ASAP3: variants seen among roughly 807,000 people sequenced by gnomAD.
The protein encoded by ASAP3 is ArfGAP with SH3 domain, ankyrin repeat and PH domain 3.
In ASAP3, 85 loss-of-function variants were observed where a neutral mutation model predicts 118.2. The observed-to-expected ratio is 0.72, with a 90% confidence interval of 0.60 to 0.86. The LOEUF (loss-of-function observed/expected upper bound fraction) is 0.86. Ranked by LOEUF, ASAP3 falls within the 40% of genes least tolerant of loss-of-function variation. The probability of loss-of-function intolerance (pLI) is 0.00; values close to 1 mark genes in which losing one functional copy is unlikely to be tolerated. For synonymous variants in ASAP3, 432 were observed against 477.4 expected (o/e 0.90, Z 1.24); for missense variants, 1,026 against 1,175.0 (o/e 0.87, Z 1.85).
intron 1 of ASAP3, among the ~76,000 whole-genome samples, chr1:23,483,798 G>GGCCCCCCAAAACGGTCCCTCGGGCC (rs1642391259): frequency 1.3e-5 from 2 of 152,208 alleles, no homozygotes; most frequent in Admixed American, 1.3e-4. Flanking sequence ...GAGACCTCGA[G>GGCCCCCCAAAACGGTCCCTCGGGCC]GCCCCCCAAA....
In ASAP3 at chr1:23,438,669, AG is replaced by A. The variant is rs1429931582; in HGVS notation, c.1102+77del. 1 of 1,336,844 alleles carries A rather than the reference AG, an allele frequency of 7.5e-7. No individual in the cohort carries two copies. The highest frequency in any genetic ancestry group is 1.1e-6 in the Non-Finnish European group (1 of 940,064). The allele number at this position is 1,336,844 out of a possible 1,614,324, so 82.8% of individuals were successfully genotyped here. A position where few individuals can be genotyped will look rare whatever the true frequency, so the allele number is the denominator to read the frequency against. Reference sequence around the variant, plus strand: ...GAACTGGACACAGACCCCTCACTGAAGCCCCCCGGGAGCTGACAGGTGTCTT... The same window carrying A: ...GAACTGGACACAGACCCCTCACTGAACCCCCCGGGAGCTGACAGGTGTCTT... On this transcript the variant is annotated intron_variant, in intron 12 of 24. Coordinates refer to ENST00000336689, the MANE Select transcript of ASAP3 (RefSeq NM_017707.4). This position sits in a 1 kb window ranked among gnomAD's most constrained non-coding sequence, Gnocchi z 4.9.
In ASAP3 at chr1:23,431,867, C is replaced by T. The variant is rs1293342577; in HGVS notation, c.2375G>A (p.Ser792Asn). Reference protein sequence around the residue: ...LSSEAPETPESLGSPASSSSL... With the variant: ...LSSEAPETPENLGSPASSSSL... ...GGAGGAGGAGGCTGGACTGCCCAGGCTCTCAGGGGTCTCAGGGGCCTCTGA... is the reference window on the plus strand; with the variant it reads ...GGAGGAGGAGGCTGGACTGCCCAGGTTCTCAGGGGTCTCAGGGGCCTCTGA... Residue 792 changes from serine to asparagine, a missense_variant, in exon 23 of 25, where the codon AGC becomes AAC. Physicochemically the swap from Ser to Asn is conservative, Grantham distance 46 (BLOSUM62 1). Transcript: ENST00000336689. 4 of 1,603,606 alleles carry T rather than the reference C, an allele frequency of 2.5e-6. No homozygotes were observed. Among genetic ancestry groups the T allele is most frequent in the Admixed American group, 1.8e-5 (1 of 56,850 alleles).
At chr1:23,449,757 GC>G (rs1641157517) in intron 5 of ASAP3, among the ~76,000 whole-genome samples, 1 of 152,186 alleles carries the variant, frequency 6.6e-6, no homozygotes, top group Admixed American at 6.5e-5. Flanking sequence ...CCTCAGCCAA[GC>G]CCCCTTTCCC....
chr1:23,451,643 C>T (rs1261244833), intron 4 of ASAP3, 115 bp from the exon 5 acceptor site: 3 of 1,188,934 alleles, frequency 2.5e-6, no homozygotes, highest in Non-Finnish European at 1.2e-6. Flanking sequence ...CTGCTCAGAG[C>T]CCTTCTCTAA....
chr1:23,456,894 A>G (rs116838291), intron 1 of ASAP3, among the ~76,000 whole-genome samples: 1,557 of 152,240 alleles, frequency 0.01, 14 homozygotes, highest in Non-Finnish European at 0.015. Context: ...TGGAGAGACA[A>G]CACCAGATAA....
intron 1 of ASAP3, among the ~76,000 whole-genome samples, chr1:23,469,625 G>A (rs1361304927): frequency 6.6e-6 from 1 of 152,146 alleles, no homozygotes; most frequent in African/African-American, 2.4e-5. Context: ...CAAGCTCCCA[G>A]CTTGAGTCTA....
Position 23,451,499 on chromosome 1 carries a change from C to G in ASAP3, c.453G>C (p.Trp151Cys). 1 of 1,614,198 alleles carries G rather than the reference C, an allele frequency of 6.2e-7. No individual in the cohort carries two copies. Among genetic ancestry groups the G allele is most frequent in the Non-Finnish European group, 8.5e-7 (1 of 1,180,028 alleles). ...CTTACATTTTGGCTTCATAGTCCTT[C>G]CATGCCTTCTCCAGCTGTTTTTTGG... is the stretch of plus-strand genomic sequence containing the variant. ...QDSKKQLEKA[W>C]KDYEAKMAKL... The change falls in exon 5 of 25, where the codon TGG (tryptophan) becomes TGC (cysteine). Residue 151 changes from tryptophan (W) to cysteine (C), a missense_variant. Coordinates refer to ENST00000336689, the MANE Select transcript of ASAP3 (RefSeq NM_017707.4).
At position 23,438,979 on chromosome 1, in the gene ASAP3, A is replaced by G. The variant is rs1767148; in HGVS notation, c.1015-145T>C. 956,466 of 1,079,210 alleles carry G rather than the reference A, an allele frequency of 0.89. 424,202 individuals carry two copies. The highest frequency in any genetic ancestry group is 0.92 in the Middle Eastern group (4,304 of 4,676). 66.9% of individuals were successfully genotyped at this position (1,079,210 alleles called of 1,614,324 possible). On this transcript the variant is annotated intron_variant, in intron 11 of 24. Coordinates refer to ENST00000336689, the MANE Select transcript of ASAP3 (RefSeq NM_017707.4). This position sits in a 1 kb window ranked among gnomAD's most constrained non-coding sequence, Gnocchi z 4.9. ...CACCCAGCAGCACCTCAAGGATGTGAAGTGTAGACTAAGACTAGATTGGGG... is the reference window on the plus strand; with the variant it reads ...CACCCAGCAGCACCTCAAGGATGTGGAGTGTAGACTAAGACTAGATTGGGG...
At chr1:23,434,217 G>C (rs1640548675) in intron 19 of ASAP3, 37 bp downstream of exon 19, 2 of 1,599,916 alleles carry the variant, frequency 1.3e-6, no homozygotes, top group South Asian at 2.2e-5. Context: ...GGGTAGTCAG[G>C]AATAGGAGTC....
intron 1 of ASAP3, among the ~76,000 whole-genome samples, chr1:23,460,381 G>C (rs78891908): frequency 6.6e-6 from 1 of 151,644 alleles, no homozygotes; most frequent in Non-Finnish European, 1.5e-5. Flanking sequence ...GTGGCACACC[G>C]CTGTAGTCCC....
chr1:23,455,811 T>C, intron 3 of ASAP3, 70 bp downstream of exon 3: 1 of 1,584,748 alleles, frequency 6.3e-7, no homozygotes, highest in Non-Finnish European at 8.6e-7. Context: ...AAACGGACCC[T>C]TTCCCAGTCA....
At chr1:23,433,556 G>A in intron 20 of ASAP3, 24 bp from the exon 21 acceptor site, 2 of 1,614,240 alleles carry the variant, frequency 1.2e-6, no homozygotes, top group South Asian at 1.1e-5. Context: ...AGGCTTGGTG[G>A]TTCAGAGGGT....
intron 1 of ASAP3, among the ~76,000 whole-genome samples, chr1:23,457,214 C>T (rs1250527137): frequency 6.6e-6 from 1 of 152,128 alleles, no homozygotes; most frequent in Non-Finnish European, 1.5e-5. Flanking sequence ...TGCAACAGAA[C>T]AGTGTTCCAT....
intron 5 of ASAP3, 51 bp downstream of exon 5, chr1:23,451,428 C>T (rs1025730533): frequency 7.0e-6 from 11 of 1,577,068 alleles, no homozygotes; most frequent in Non-Finnish European, 9.6e-6. Context: ...CTTCCCTATC[C>T]AGCCTAAGTG....
At chr1:23,435,063 T>C (rs562261077) in intron 17 of ASAP3, among the ~76,000 whole-genome samples, 2 of 152,300 alleles carry the variant, frequency 1.3e-5, no homozygotes, top group East Asian at 3.9e-4. Context: ...GGTCTCGCTT[T>C]GTCACCCAAG....
Position 23,437,619 on chromosome 1 carries a change from A to G in ASAP3, c.1103-147T>C, listed in dbSNP as rs1327225180. ...CAAGCTAGGAGTGGGAAGGGAGTGG[A>G]ATGACAGTGGCCAGCACCAGGGGCA... On this transcript the variant is annotated intron_variant, in intron 12 of 24. Transcript: ENST00000336689. This position sits in a 1 kb window ranked among gnomAD's most constrained non-coding sequence, Gnocchi z 6.1. 1 of 994,672 alleles carries G rather than the reference A, an allele frequency of 1.0e-6. No homozygotes were observed. Among genetic ancestry groups the G allele is most frequent in the African/African-American group, 1.6e-5 (1 of 60,956 alleles). 61.6% of individuals were successfully genotyped at this position (994,672 alleles called of 1,614,324 possible). A position where few individuals can be genotyped will look rare whatever the true frequency, so the allele number is the denominator to read the frequency against.
intron 1 of ASAP3, among the ~76,000 whole-genome samples, chr1:23,471,674 C>T (rs1262735037): frequency 1.3e-5 from 2 of 152,216 alleles, no homozygotes; most frequent in Non-Finnish European, 2.9e-5. Flanking sequence ...GACACAGCTT[C>T]TCTGATAGAT....
intron 24 of ASAP3, among the ~76,000 whole-genome samples, chr1:23,430,512 A>G (rs1640385810): frequency 6.6e-6 from 1 of 152,186 alleles, no homozygotes; most frequent in South Asian, 2.1e-4. Flanking sequence ...CTGGGATCTG[A>G]AAGTCCCTGT....
intron 3 of ASAP3, 77 bp from the exon 4 acceptor site, chr1:23,452,848 C>A: frequency 1.4e-6 from 2 of 1,390,460 alleles, no homozygotes; most frequent in South Asian, 1.2e-5. Flanking sequence ...TACAGTGAAG[C>A]ATCACTTGGC....
Sources: gnomAD v4.1 joint callset for allele counts (sites outside exome capture counted in the v4.1 genomes callset) on GRCh38, gnomAD v4.1.1 for gene constraint, Gnocchi (gnomAD v3.1) non-coding constraint, MANE v1.5 for transcripts, NCBI Gene and HGNC (gene_info 2026-07-23, HGNC 2026-07-21) for gene names.